The following THADA variants were observed in gnomAD, a reference collection of about 807,000 sequenced individuals.
THADA encodes the protein THADA armadillo repeat containing, also known as tRNA (32-2'-O)-methyltransferase regulator THADA.
A neutral mutation model predicts 219.8 loss-of-function variants in THADA; 213 were observed. The observed-to-expected ratio is 0.97, with a 90% CI of 0.87 to 1.09. The LOEUF is 1.09. THADA is among the 50% of genes least tolerant of loss of function. THADA has a pLI of 0.00. For missense variants in THADA, 2,956 were observed against 2,311.3 expected (o/e 1.28, Z -5.72); for synonymous variants, 1,018 against 828.9 (o/e 1.23, Z -3.92).
chr2:43,400,808 T>C (rs1292701246), intron 28 of THADA, among the ~76,000 whole-genome samples: 1 of 152,134 alleles, frequency 6.6e-6, no homozygotes, highest in East Asian at 1.9e-4. Flanking sequence ...AGCATCAGTA[T>C]ACTCCAGAAT....
intron 21 of THADA, among the ~76,000 whole-genome samples, chr2:43,535,143 G>C (rs1050822383): frequency 7.4e-6 from 1 of 134,308 alleles, no homozygotes; most frequent in African/African-American, 2.8e-5. Context: ...CTGTTTTTGA[G>C]AAATGTCTGT....
intron 4 of THADA, among the ~76,000 whole-genome samples, chr2:43,587,478 T>C (rs1701143784): frequency 6.6e-6 from 1 of 152,330 alleles, no homozygotes; most frequent in Non-Finnish European, 1.5e-5. Context: ...TCTAGCTACA[T>C]GGCCTTGCTC....
chr2:43,344,045 C>T, intron 30 of THADA, 77 bp downstream of exon 30: 1 of 1,067,874 alleles, frequency 9.4e-7, no homozygotes, highest in Non-Finnish European at 1.4e-6. Flanking sequence ...TTAAAACTCC[C>T]CACAACTAGA....
chr2:43,467,736 G>A (rs1234386971), intron 26 of THADA, among the ~76,000 whole-genome samples: 1 of 152,116 alleles, frequency 6.6e-6, no homozygotes, highest in East Asian at 1.9e-4. Context: ...ATTTTAAAAA[G>A]CTTGACAACA....
intron 20 of THADA, among the ~76,000 whole-genome samples, chr2:43,545,002 C>G (rs184168429): frequency 2.6e-5 from 4 of 152,196 alleles, no homozygotes; most frequent in African/African-American, 4.8e-5. Context: ...GTATGACATT[C>G]GCTGTGGGTT....
rs141246380 is a variant in THADA at position 43,234,418 on chromosome 2, C to A, written c.5297-1536G>T. Among the ~76,000 whole-genome samples, 10 of 152,264 alleles carry A rather than the reference C, an allele frequency of 6.6e-5. No homozygotes were observed. The East Asian group carries it at 1.9e-3, about 29-fold the overall frequency. Reference sequence around the variant, plus strand: ...CCCCAGGACACTTGCCCTTTAGTGTCCCCGTTCCCCATGCTGCTTGCTCTG... The same window carrying A: ...CCCCAGGACACTTGCCCTTTAGTGTACCCGTTCCCCATGCTGCTTGCTCTG... On this transcript the variant is annotated intron_variant, in intron 36 of 37. Transcript: ENST00000405975.
At chr2:43,250,972 CAG>C (rs746453193) in intron 36 of THADA, among the ~76,000 whole-genome samples, 2 of 152,162 alleles carry the variant, frequency 1.3e-5, no homozygotes, top group Non-Finnish European at 2.9e-5. Flanking sequence ...CGAAGGTGAA[CAG>C]AGGGGTTAAA....
chr2:43,578,619 A>G lies in THADA; in HGVS notation c.722-12T>C, dbSNP rs1700103057. The G allele has an allele frequency of 1.9e-6, 3 of 1,557,418 alleles. No individual in the cohort carries two copies. Among genetic ancestry groups the G allele is most frequent in the East Asian group, 2.3e-5 (1 of 44,030 alleles). On this transcript the variant is annotated splice_polypyrimidine_tract_variant and intron_variant, in intron 8 of 37. Coordinates refer to ENST00000405975, the MANE Select transcript of THADA (RefSeq NM_022065.5). ...CTGTAACAGATCATCTATTTGGCAA[A>G]AAAGGAGAGAAGCTTGTGTTAAATA...
Position 43,551,816 on chromosome 2 carries a change from C to T in THADA, c.2920G>A (p.Gly974Ser). The part of the protein sequence containing the change: ...SPVIQSSSPE[G>S]LIPMDTDSES... Reference sequence around the variant, plus strand: ...GAATCAGTGTCCATTGGGATGAGGCCTTCAGGGGATGAGCTCTGAATGACT... The same window carrying T: ...GAATCAGTGTCCATTGGGATGAGGCTTTCAGGGGATGAGCTCTGAATGACT... The change falls in exon 19 of 38, where the codon GGC (glycine) becomes AGC (serine). Residue 974 changes from glycine to serine, a missense_variant. By Grantham distance (56) the Gly-to-Ser change is moderately conservative (BLOSUM62 0). Transcript: ENST00000405975. 1 of 1,613,682 alleles carries T rather than the reference C, an allele frequency of 6.2e-7. No homozygotes were observed. Among genetic ancestry groups the T allele is most frequent in the Non-Finnish European group, 8.5e-7 (1 of 1,179,788 alleles).
At chr2:43,369,484 G>A (rs1233783764) in intron 29 of THADA, among the ~76,000 whole-genome samples, 1 of 152,134 alleles carries the variant, frequency 6.6e-6, no homozygotes, top group African/African-American at 2.4e-5. Flanking sequence ...TTATCCTTTA[G>A]ATCTAAAAAC....
chr2:43,485,430 G>T, intron 25 of THADA, 105 bp from the exon 26 acceptor site: 2 of 772,322 alleles, frequency 2.6e-6, no homozygotes, highest in South Asian at 1.7e-5. Context: ...TAACTGGCTA[G>T]TGTGAGGCTA....
chr2:43,543,482 G>A (rs1276926666), intron 20 of THADA, among the ~76,000 whole-genome samples: 1 of 150,720 alleles, frequency 6.6e-6, no homozygotes, highest in Admixed American at 6.6e-5. Context: ...CTAGTTTACA[G>A]TCCCACCAAC....
chr2:43,303,676 A>T (rs1281795599), intron 31 of THADA, among the ~76,000 whole-genome samples: 1 of 147,704 alleles, frequency 6.8e-6, no homozygotes, highest in Non-Finnish European at 1.5e-5. Flanking sequence ...AATTATGGAT[A>T]CAGTGAAGTT....
intron 4 of THADA, among the ~76,000 whole-genome samples, chr2:43,589,508 G>A (rs1701333668): frequency 1.3e-5 from 2 of 152,206 alleles, no homozygotes; most frequent in Admixed American, 1.3e-4. Context: ...CTTAGCAGAT[G>A]ACAAGGTTCT....
At chr2:43,593,977 G>A (rs957938396) in intron 1 of THADA, among the ~76,000 whole-genome samples, 7 of 152,110 alleles carry the variant, frequency 4.6e-5, no homozygotes, top group Non-Finnish European at 8.8e-5. Flanking sequence ...GTCAGTACAA[G>A]CTACAGGGAA....
At chr2:43,438,176 C>A (rs1680363391) in intron 26 of THADA, among the ~76,000 whole-genome samples, 1 of 151,740 alleles carries the variant, frequency 6.6e-6, no homozygotes, top group Non-Finnish European at 1.5e-5. Flanking sequence ...GTGGCGGGCG[C>A]CTGTAGTCCC....
chr2:43,566,503 A>G (rs778274057), intron 15 of THADA, 195 bp downstream of exon 15: 1 of 740,732 alleles, frequency 1.4e-6, no homozygotes, highest in South Asian at 1.5e-5. Context: ...ATAATGATCA[A>G]TGAAAAGGGA....
At position 43,470,343 on chromosome 2, in the gene THADA, A is replaced by G. The variant is rs2306997; in HGVS notation, c.3836+14891T>C. 3.8e-3 allele frequency among the ~76,000 whole-genome samples: 581 copies of G among 152,318 alleles called. 28 individuals carry two copies. The East Asian group carries it at 0.1, about 27-fold the overall frequency. The stretch of plus-strand genomic sequence containing the variant: ...CTATCTGTAGGAAATAACCCTACAC[A>G]TTAAAACATTTTATACGTAAAGATG... On this transcript the variant is annotated intron_variant, in intron 26 of 37. Transcript: ENST00000405975.
rs1686764664 is a variant in THADA, at chr2:43,485,216, G to A, written c.3836+18C>T. The A allele has an allele frequency of 1.3e-6, 2 of 1,578,740 alleles. No individual in the cohort carries two copies. The highest frequency in any genetic ancestry group is 8.7e-7 in the Non-Finnish European group (1 of 1,153,502). On this transcript the variant is annotated intron_variant, in intron 26 of 37. Coordinates refer to ENST00000405975, the MANE Select transcript of THADA (RefSeq NM_022065.5). ...GTATTTTTTAAAAAAAGTAAAGTTA[G>A]CCTTAAATGGAGCTTACCTATTTGT...
Sources: allele counts gnomAD v4.1 joint callset (sites outside exome capture counted in the v4.1 genomes callset), GRCh38; gene constraint gnomAD v4.1.1; transcripts MANE v1.5; gene names NCBI Gene and HGNC (gene_info 2026-07-23, HGNC 2026-07-21).